The following OPHN1 variants were observed in gnomAD, a reference collection of about 807,000 sequenced individuals.
OPHN1 encodes the protein oligophrenin 1.
OPHN1 carries 11 observed loss-of-function variants against 60.7 expected under a neutral mutation model. That is an observed-to-expected ratio of 0.18 (90% CI 0.11 to 0.30). OPHN1 has a LOEUF of 0.30. Ranked by LOEUF, OPHN1 falls within the 10% of genes least tolerant of loss-of-function variation. The pLI, the probability that OPHN1 is intolerant of heterozygous loss-of-function variation, is 1.00. For missense variants in OPHN1, 449 were observed against 611.0 expected (o/e 0.73, Z 2.80); for synonymous variants, 226 against 222.6 (o/e 1.02, Z -0.14).
intron 20 of OPHN1, chrX:68,071,525 C>A (rs2076934607): frequency 1.5e-6 from 1 of 645,223 alleles, no homozygotes; most frequent in African/African-American, 2.1e-5. Flanking sequence ...AATTCTACAG[C>A]AAATGGCTCT....
intron 2 of OPHN1, among the ~76,000 whole-genome samples, chrX:68,422,933 T>C (rs1164623905): frequency 8.9e-6 from 1 of 112,215 alleles, no homozygotes; most frequent in Admixed American, 9.4e-5. Flanking sequence ...ATTCCGACTC[T>C]AGCTCTAGGT....
At chrX:68,252,437 C>T (rs2082563449) in intron 5 of OPHN1, among the ~76,000 whole-genome samples, 2 of 111,921 alleles carry the variant, frequency 1.8e-5, no homozygotes, top group South Asian at 7.5e-4. Context: ...CAGGCAACAT[C>T]ATCTACCAAC....
At chrX:68,139,543 TA>T (rs1254645796) in intron 15 of OPHN1, among the ~76,000 whole-genome samples, 2 of 111,940 alleles carry the variant, frequency 1.8e-5, no homozygotes, top group African/African-American at 6.5e-5. Flanking sequence ...TTTTACATAA[TA>T]AAAAGTTATT....
intron 16 of OPHN1, among the ~76,000 whole-genome samples, chrX:68,113,955 A>T (rs1294623807): frequency 1.1e-5 from 1 of 93,777 alleles, no homozygotes; most frequent in Non-Finnish European, 2.1e-5. Context: ...CCTAAAACTT[A>T]AAGTATAATA....
At position 68,052,533 on chromosome X, in the gene OPHN1, A is replaced by C; in HGVS notation, c.2375+7T>G. ...TTGGTTTTTCTTTTGTCACCTCCAT[A>C]TCTTACCTTCCTGTTTTCCGGGAAG... On this transcript the variant is annotated splice_region_variant and intron_variant, in intron 23 of 24. Coordinates refer to ENST00000355520, the MANE Select transcript of OPHN1 (RefSeq NM_002547.3). 4.0e-5 allele frequency: 48 copies of C among 1,203,915 alleles called. No individual in the cohort carries two copies. The highest frequency in any genetic ancestry group is 5.4e-5 in the Non-Finnish European group (48 of 890,971).
At chrX:68,376,775 G>A (rs1231294267) in intron 2 of OPHN1, among the ~76,000 whole-genome samples, 1 of 111,340 alleles carries the variant, frequency 9.0e-6, no homozygotes, top group Non-Finnish European at 1.9e-5. Context: ...TGACTTTGTT[G>A]ACATGAAAAA....
chrX:68,376,404 G>T (rs977598587), intron 2 of OPHN1, among the ~76,000 whole-genome samples: 1 of 111,445 alleles, frequency 9.0e-6, no homozygotes, highest in Non-Finnish European at 1.9e-5. Context: ...TAGGTGTAAA[G>T]GAATGAATTG....
chrX:68,307,740 A>G (rs1460790762), intron 2 of OPHN1, among the ~76,000 whole-genome samples: 3 of 111,268 alleles, frequency 2.7e-5, no homozygotes, highest in Non-Finnish European at 5.6e-5. Flanking sequence ...CGTTATCTAC[A>G]AGTACAGGTA....
intron 15 of OPHN1, 45 bp downstream of exon 15, chrX:68,192,874 C>T (rs1468467930): frequency 1.0e-6 from 1 of 984,178 alleles, no homozygotes; most frequent in South Asian, 1.9e-5. Flanking sequence ...TTCTTTGTAA[C>T]ACATAAAGTA....
chrX:68,381,329 T>C (rs1017720520), intron 2 of OPHN1, among the ~76,000 whole-genome samples: 2 of 111,919 alleles, frequency 1.8e-5, no homozygotes, highest in African/African-American at 6.5e-5. Context: ...TTTCCCCAAA[T>C]AGAATTCAAT....
intron 6 of OPHN1, among the ~76,000 whole-genome samples, chrX:68,231,508 G>A (rs1235270197): frequency 4.5e-5 from 5 of 111,302 alleles, no homozygotes; most frequent in South Asian, 7.5e-4. Flanking sequence ...ATTTTTTATC[G>A]CAGCTTTAAT....
chrX:68,357,080 G>A (rs994658422), intron 2 of OPHN1, among the ~76,000 whole-genome samples: 1 of 111,049 alleles, frequency 9.0e-6, no homozygotes, highest in Non-Finnish European at 1.9e-5. Flanking sequence ...AAAACTCTGC[G>A]AATATACTAA....
intron 2 of OPHN1, among the ~76,000 whole-genome samples, chrX:68,422,942 G>A (rs1041684221): frequency 1.3e-4 from 15 of 112,041 alleles, no homozygotes; most frequent in Non-Finnish European, 2.6e-4. Context: ...CTAGCTCTAG[G>A]TCTCTGGAGA....
intron 21 of OPHN1, among the ~76,000 whole-genome samples, chrX:68,054,527 G>A (rs2076865064): frequency 9.2e-6 from 1 of 109,119 alleles, no homozygotes; most frequent in Admixed American, 9.8e-5. Context: ...TTGCTTTTGG[G>A]AACAGGCCCA....
chrX:68,167,741 C>T (rs1029981525), intron 15 of OPHN1, among the ~76,000 whole-genome samples: 1 of 104,331 alleles, frequency 9.6e-6, no homozygotes, highest in Admixed American at 1.0e-4. Context: ...ATATATACAC[C>T]CAAAAGAAAG....
chrX:68,232,454 T>A (rs2077733209), intron 6 of OPHN1, among the ~76,000 whole-genome samples: 1 of 111,523 alleles, frequency 9.0e-6, no homozygotes, highest in African/African-American at 3.3e-5. Flanking sequence ...CAACAAGTTG[T>A]AACAACACAG....
At chrX:68,281,541 G>T (rs774312039) in intron 4 of OPHN1, among the ~76,000 whole-genome samples, 7 of 111,587 alleles carry the variant, frequency 6.3e-5, no homozygotes, top group Non-Finnish European at 1.1e-4. Flanking sequence ...AACACCAAAA[G>T]TATGATCCAT....
chrX:68,171,156 T>G (rs1444997237), intron 15 of OPHN1, among the ~76,000 whole-genome samples: 1 of 110,666 alleles, frequency 9.0e-6, no homozygotes, highest in Non-Finnish European at 1.9e-5. Context: ...GGATAAATGC[T>G]TGAGGTGATG....
At chrX:68,362,463 T>C (rs2078477881) in intron 2 of OPHN1, among the ~76,000 whole-genome samples, 1 of 112,055 alleles carries the variant, frequency 8.9e-6, no homozygotes, top group Admixed American at 9.6e-5. Flanking sequence ...TGATTATAGA[T>C]AATAACAATG....
Sources: allele counts gnomAD v4.1 joint callset (sites outside exome capture counted in the v4.1 genomes callset), GRCh38; gene constraint gnomAD v4.1.1; transcripts MANE v1.5; gene names NCBI Gene and HGNC (gene_info 2026-07-23, HGNC 2026-07-21).